Variants in ITGAE observed in about 807,000 individuals in gnomAD.
ITGAE encodes the protein integrin subunit alpha E, also known as integrin alpha-E.
In ITGAE, 99 loss-of-function variants were observed where a neutral mutation model predicts 136.5. That is an observed-to-expected ratio of 0.73 (90% confidence interval 0.62 to 0.86). The LOEUF is 0.86. ITGAE is among the 40% of genes least tolerant of loss of function. The probability of loss-of-function intolerance (pLI) is 0.00; values close to 1 mark genes in which losing one functional copy is unlikely to be tolerated. For synonymous variants in ITGAE, 613 were observed against 591.8 expected (o/e 1.04, Z -0.52); for missense variants, 1,447 against 1,515.3 (o/e 0.95, Z 0.75).
chr17:3,733,140 C>T (rs1160231959), intron 21 of ITGAE, among the ~76,000 whole-genome samples: 3 of 152,032 alleles, frequency 2.0e-5, no homozygotes, highest in African/African-American at 7.2e-5. Context: ...CCCACCACCA[C>T]GCCCGGCTAA....
chr17:3,739,776 G>T, intron 20 of ITGAE, 29 bp downstream of exon 20: 1 of 1,597,774 alleles, frequency 6.3e-7, no homozygotes, highest in Non-Finnish European at 8.6e-7. Flanking sequence ...AAGGTTAATC[G>T]AGGAAACTGA....
At chr17:3,715,828 G>A (rs11653465) in intron 30 of ITGAE, among the ~76,000 whole-genome samples, 80,207 of 151,628 alleles carry the variant, frequency 0.53, 22,093 homozygotes, top group African/African-American at 0.64. Context: ...GTGCCACTGA[G>A]CTCCAGCTTG....
chr17:3,734,133 C>T (rs140180728), intron 21 of ITGAE, among the ~76,000 whole-genome samples: 167 of 152,318 alleles, frequency 1.1e-3, no homozygotes, highest in African/African-American at 3.8e-3. Flanking sequence ...TGCAGTGGCG[C>T]AATCTCGGCT....
At chr17:3,735,355 C>T (rs1370164970) in intron 20 of ITGAE, among the ~76,000 whole-genome samples, 1 of 152,094 alleles carries the variant, frequency 6.6e-6, no homozygotes, top group Non-Finnish European at 1.5e-5. Flanking sequence ...TTATTAGGGA[C>T]GGGGTTTCTC....
chr17:3,784,071 T>C (rs1016001913), intron 1 of ITGAE, among the ~76,000 whole-genome samples: 4 of 152,032 alleles, frequency 2.6e-5, no homozygotes, highest in South Asian at 2.1e-4. Flanking sequence ...CCATCCTGGC[T>C]AACACGGTGA....
At chr17:3,718,039 A>C (rs2050975824) in intron 29 of ITGAE, 1 of 152,274 alleles carries the variant, frequency 6.6e-6, no homozygotes, top group African/African-American at 2.4e-5. Flanking sequence ...AGTGCCCCAA[A>C]GATGCCCAAG....
intron 26 of ITGAE, chr17:3,724,008 C>A: frequency 6.3e-7 from 1 of 1,592,486 alleles, no homozygotes; most frequent in Non-Finnish European, 8.5e-7. Context: ...CAGGAGACAG[C>A]GGCGGCCGGG....
chr17:3,727,374 T>C (rs2143009115), intron 26 of ITGAE, among the ~76,000 whole-genome samples: 1 of 151,774 alleles, frequency 6.6e-6, no homozygotes, highest in Middle Eastern at 3.4e-3. Context: ...GGAAAATGTC[T>C]CTGTCTACTG....
chr17:3,755,804 T>TGCCTG (rs776827004), intron 11 of ITGAE, 26 bp downstream of exon 11: 1 of 1,570,094 alleles, frequency 6.4e-7, no homozygotes. Context: ...TGGGCAAGCC[T>TGCCTG]GCCTGGTGCT....
rs1442036912 is a variant in ITGAE at position 3,732,375 on chromosome 17, C to A, written c.2747G>T (p.Arg916Met). The A allele has an allele frequency of 6.2e-7, 1 of 1,613,584 alleles. No homozygotes were observed. Among genetic ancestry groups the A allele is most frequent in the Non-Finnish European group, 8.5e-7 (1 of 1,179,528 alleles). The change falls in exon 22 of 31, where the codon AGG becomes ATG. Residue 916 changes from arginine to methionine, a missense_variant. Coordinates refer to ENST00000263087, the MANE Select transcript of ITGAE (RefSeq NM_002208.5). ...CAGTCCAAACCGACTCACAGATGAC[C>A]TCTTGAGGACGGGGTGACCAATCCT... Reference protein sequence around the residue: ...NCRIGHPVLKRSSAHVSVVWQ... With the variant: ...NCRIGHPVLKMSSAHVSVVWQ...
chr17:3,784,277 TA>T (rs1264882713), intron 1 of ITGAE: 5 of 343,348 alleles, frequency 1.5e-5, no homozygotes, highest in East Asian at 2.5e-4. Flanking sequence ...TAAAATAAAA[TA>T]AAAAAATAAA....
chr17:3,766,716 C>A (rs560147575), intron 2 of ITGAE, among the ~76,000 whole-genome samples: 1 of 151,924 alleles, frequency 6.6e-6, no homozygotes, highest in South Asian at 2.1e-4. Context: ...GCAGGAGAAT[C>A]ACTTGAACCT....
Position 3,763,792 on chromosome 17 carries a change from G to A in ITGAE, c.247+77C>T. ...GATGAGGCAGGGCTGGGGTTGGAAT[G>A]GTTTGAGTTTAGATGAGGGGGATTT... On this transcript the variant is annotated intron_variant, in intron 3 of 30. Transcript: ENST00000263087. The A allele has an allele frequency of 2.6e-6, 3 of 1,156,560 alleles. No homozygotes were observed. The South Asian group carries it at 3.7e-5, about 14-fold the overall frequency. 71.6% of individuals were successfully genotyped at this position (1,156,560 alleles called of 1,614,324 possible). A position where few individuals can be genotyped will look rare whatever the true frequency, so the allele number is the denominator to read the frequency against.
chr17:3,750,224 A>T, intron 16 of ITGAE, 128 bp downstream of exon 16: 1 of 1,346,612 alleles, frequency 7.4e-7, no homozygotes, highest in Non-Finnish European at 1.0e-6. Flanking sequence ...GGCAGACTCC[A>T]GAGCCTGTGC....
chr17:3,800,848 G>A (rs2053240101), intron 1 of ITGAE, among the ~76,000 whole-genome samples: 1 of 152,276 alleles, frequency 6.6e-6, no homozygotes, highest in Admixed American at 6.5e-5. Context: ...AGGCTGGCTG[G>A]AGGAGGAACA....
At chr17:3,780,037 G>A (rs940306822) in intron 1 of ITGAE, among the ~76,000 whole-genome samples, 10 of 151,966 alleles carry the variant, frequency 6.6e-5, no homozygotes, top group African/African-American at 2.2e-4. Flanking sequence ...GCAGTGGCAC[G>A]ATCTCGGCTC....
At chr17:3,785,124 C>T (rs1293382881) in intron 1 of ITGAE, among the ~76,000 whole-genome samples, 1 of 151,758 alleles carries the variant, frequency 6.6e-6, no homozygotes, top group African/African-American at 2.4e-5. Context: ...TGCACTCCAG[C>T]CTGGGTGACA....
chr17:3,746,296 C>T (rs185674120), intron 17 of ITGAE, among the ~76,000 whole-genome samples: 55 of 152,050 alleles, frequency 3.6e-4, no homozygotes, highest in Admixed American at 3.6e-3. Context: ...AACCCCAGGA[C>T]GGCACAGCTG....
chr17:3,727,081 C>T (rs978346241), intron 26 of ITGAE, among the ~76,000 whole-genome samples: 14 of 151,634 alleles, frequency 9.2e-5, no homozygotes, highest in Admixed American at 7.3e-4. Context: ...AATTCCTTTC[C>T]GTTTTTTGAG....
Sources: gnomAD v4.1 joint callset for allele counts (sites outside exome capture counted in the v4.1 genomes callset) on GRCh38, gnomAD v4.1.1 for gene constraint, MANE v1.5 for transcripts, NCBI Gene and HGNC (gene_info 2026-07-23, HGNC 2026-07-21) for gene names.